The following NRG2 variants were observed in gnomAD, a reference collection of about 807,000 sequenced individuals.
NRG2 encodes neuregulin 2.
A neutral mutation model predicts 73.9 loss-of-function variants in NRG2; 27 were observed. The observed-to-expected ratio is 0.37, with a 90% CI of 0.27 to 0.50. The LOEUF is 0.50. Among genes scored for constraint, NRG2 ranks in the 20% least tolerant of loss-of-function variants. The pLI, the probability that NRG2 is intolerant of heterozygous loss-of-function variation, is 0.96. For synonymous variants in NRG2, 532 were observed against 541.0 expected (o/e 0.98, Z 0.23); for missense variants, 1,126 against 1,210.1 (o/e 0.93, Z 1.03).
In NRG2 at chr5:140,043,200, T is replaced by C. The variant is rs1021625602; in HGVS notation, c.-131A>G. Reference sequence around the variant, plus strand: ...GCCCTCCACCGGCAGCCCGGGGAGGTGGCCCAGCTAGGGCAGGGGGCAGGC... The same window carrying C: ...GCCCTCCACCGGCAGCCCGGGGAGGCGGCCCAGCTAGGGCAGGGGGCAGGC... On this transcript the variant is annotated 5_prime_UTR_variant, in exon 1 of 10. Coordinates refer to ENST00000361474, the MANE Select transcript of NRG2 (RefSeq NM_004883.3). The surrounding 1 kb of genome is among the most constrained non-coding windows in gnomAD (Gnocchi z 6.7). 7.3e-6 allele frequency: 8 copies of C among 1,090,764 alleles called. No homozygotes were observed. The highest frequency in any genetic ancestry group is 1.0e-5 in the Non-Finnish European group (8 of 795,614). 67.6% of individuals were successfully genotyped at this position (1,090,764 alleles called of 1,614,324 possible).
chr5:139,961,577 CCTT>C (rs1386709227), intron 1 of NRG2, among the ~76,000 whole-genome samples: 1 of 152,196 alleles, frequency 6.6e-6, no homozygotes, highest in Non-Finnish European at 1.5e-5. Context: ...GGGCTGGACT[CCTT>C]CTGTGACCTC....
chr5:140,000,708 C>T (rs753510207), intron 1 of NRG2, among the ~76,000 whole-genome samples: 2 of 152,226 alleles, frequency 1.3e-5, no homozygotes, highest in African/African-American at 4.8e-5. Flanking sequence ...AGGCACCACA[C>T]CTCCTCCTGC....
intron 1 of NRG2, among the ~76,000 whole-genome samples, chr5:140,012,268 C>T (rs1229516450): frequency 1.3e-5 from 2 of 152,184 alleles, no homozygotes; most frequent in Non-Finnish European, 2.9e-5. Flanking sequence ...CACTTGTGCT[C>T]CCCCTTACCT....
intron 1 of NRG2, among the ~76,000 whole-genome samples, chr5:139,991,140 G>A (rs1304367027): frequency 1.3e-5 from 2 of 152,106 alleles, no homozygotes; most frequent in East Asian, 1.9e-4. Flanking sequence ...CTGGCATGGT[G>A]TGGGGGGGTG....
intron 4 of NRG2, among the ~76,000 whole-genome samples, chr5:139,867,775 TGTGTGTGTGTGTGTGTGTGTGTATGA>T (rs1330703216): frequency 7.9e-6 from 1 of 126,650 alleles, no homozygotes; most frequent in African/African-American, 4.4e-5. Flanking sequence ...TGTGTGTGTG[TGTGTGTGTGTGTGTGTGTGTGTATGA>T]GTGTGTGTGT....
intron 1 of NRG2, among the ~76,000 whole-genome samples, chr5:139,938,470 C>T (rs1753012835): frequency 6.6e-6 from 1 of 151,988 alleles, no homozygotes; most frequent in South Asian, 2.1e-4. Flanking sequence ...AGTCCTCCCA[C>T]TTCAGCTTCC....
At chr5:139,948,775 T>C (rs1162154982) in intron 1 of NRG2, among the ~76,000 whole-genome samples, 1 of 152,198 alleles carries the variant, frequency 6.6e-6, no homozygotes, top group Non-Finnish European at 1.5e-5. Context: ...TAGCAGGTTG[T>C]TGCAGGAGTT....
chr5:139,978,494 G>A (rs1044482121), intron 1 of NRG2, among the ~76,000 whole-genome samples: 4 of 152,144 alleles, frequency 2.6e-5, no homozygotes, highest in Admixed American at 2.6e-4. Context: ...TACACTGTTG[G>A]TGGGACTGTA....
chr5:139,992,980 T>C (rs1757749123), intron 1 of NRG2, among the ~76,000 whole-genome samples: 2 of 152,076 alleles, frequency 1.3e-5, no homozygotes, highest in South Asian at 4.1e-4. Flanking sequence ...TGTTCCTCCA[T>C]CTTTTTTTTT....
intron 3 of NRG2, among the ~76,000 whole-genome samples, chr5:139,879,439 C>T (rs1334909283): frequency 2.6e-5 from 4 of 152,136 alleles, no homozygotes; most frequent in Non-Finnish European, 5.9e-5. Flanking sequence ...CCTCTTCCCA[C>T]CCCACTCTCC....
intron 1 of NRG2, among the ~76,000 whole-genome samples, chr5:140,024,384 A>G (rs1028404761): frequency 2.6e-5 from 4 of 151,610 alleles, no homozygotes; most frequent in Non-Finnish European, 4.4e-5. Context: ...CCTCCAGAGT[A>G]GCTGGGACTA....
At chr5:139,925,321 T>C (rs139623663) in intron 1 of NRG2, among the ~76,000 whole-genome samples, 1 of 152,328 alleles carries the variant, frequency 6.6e-6, no homozygotes, top group Non-Finnish European at 1.5e-5. Flanking sequence ...CTTCCGCTGC[T>C]CCTCAGCTTC....
rs1018058265 is a variant in NRG2 at position 139,989,636 on chromosome 5, C to T, written c.700+52734G>A. ...ACTTAGTGGTATTTGTTAAGATTCA[C>T]GCATGTTGTTGCATGTCACCACAGT... On this transcript the variant is annotated intron_variant, in intron 1 of 9. Transcript: ENST00000361474. Among the ~76,000 whole-genome samples the T allele has an allele frequency of 1.1e-3, 164 of 151,794 alleles. 7 individuals carry two copies. Among genetic ancestry groups the T allele is most frequent in the Admixed American group, 4.6e-4 (7 of 15,234 alleles).
chr5:140,020,034 T>A (rs1257685531), intron 1 of NRG2, among the ~76,000 whole-genome samples: 1 of 152,218 alleles, frequency 6.6e-6, no homozygotes, highest in Non-Finnish European at 1.5e-5. Context: ...ATTACAGGCA[T>A]GAGCCACCAT....
chr5:139,855,821 AC>A (rs1375283820), intron 5 of NRG2, 43 bp from the exon 6 acceptor site: 1 of 1,488,674 alleles, frequency 6.7e-7, no homozygotes, highest in South Asian at 1.1e-5. Flanking sequence ...CAGGAGGCAA[AC>A]CCCATAGGGA....
chr5:139,848,757 G>A (rs1360968279), intron 9 of NRG2, 60 bp from the exon 10 acceptor site: 3 of 744,448 alleles, frequency 4.0e-6, no homozygotes, highest in African/African-American at 2.0e-5. Context: ...GGGGAGGGGG[G>A]GTTGGGGGTG....
At chr5:139,951,368 A>T (rs1412551320) in intron 1 of NRG2, among the ~76,000 whole-genome samples, 1 of 152,194 alleles carries the variant, frequency 6.6e-6, no homozygotes, top group East Asian at 1.9e-4. Flanking sequence ...CTTCAAGCCC[A>T]GGGCAGTCAA....
At chr5:139,892,125 T>C (rs889719803) in intron 1 of NRG2, among the ~76,000 whole-genome samples, 1 of 152,172 alleles carries the variant, frequency 6.6e-6, no homozygotes, top group African/African-American at 2.4e-5. Flanking sequence ...GCAAACCTTG[T>C]AGGAAAGTTC....
At chr5:140,017,971 C>T (rs1759929688) in intron 1 of NRG2, among the ~76,000 whole-genome samples, 1 of 152,110 alleles carries the variant, frequency 6.6e-6, no homozygotes. Flanking sequence ...TCTGTTGCAT[C>T]AGAGGGGAGG....
Sources: allele counts gnomAD v4.1 joint callset (sites outside exome capture counted in the v4.1 genomes callset), GRCh38; gene constraint gnomAD v4.1.1; non-coding constraint Gnocchi (gnomAD v3.1); transcripts MANE v1.5; gene names NCBI Gene and HGNC (gene_info 2026-07-23, HGNC 2026-07-21).